DYNC1I2: variants seen among roughly 807,000 people sequenced by gnomAD.
DYNC1I2 encodes the protein dynein cytoplasmic 1 intermediate chain 2.
DYNC1I2 carries 53 observed loss-of-function variants against 88.6 expected under a neutral mutation model. The observed-to-expected ratio is 0.60, with a 90% confidence interval of 0.48 to 0.75. The LOEUF is 0.75. DYNC1I2 is among the 30% of genes least tolerant of loss of function. The probability of loss-of-function intolerance (pLI) is 0.00; values close to 1 mark genes in which losing one functional copy is unlikely to be tolerated. For synonymous variants in DYNC1I2, 198 were observed against 254.6 expected (o/e 0.78, Z 2.12); for missense variants, 458 against 766.6 (o/e 0.60, Z 4.75).
intron 3 of DYNC1I2, among the ~76,000 whole-genome samples, chr2:171,694,447 C>T (rs887810023): frequency 6.6e-5 from 10 of 151,964 alleles, no homozygotes; most frequent in Non-Finnish European, 1.3e-4. Flanking sequence ...CACCTGAGGT[C>T]GGGAGTTCAA....
chr2:171,696,568 T>C (rs1238285961), intron 3 of DYNC1I2, among the ~76,000 whole-genome samples: 1 of 152,170 alleles, frequency 6.6e-6, no homozygotes, highest in African/African-American at 2.4e-5. Flanking sequence ...AATTTTATAG[T>C]TTTACCCTTC....
chr2:171,726,535 C>T, intron 10 of DYNC1I2: 1 of 547,608 alleles, frequency 1.8e-6, no homozygotes, highest in Non-Finnish European at 3.0e-6. Flanking sequence ...TTCAGTTGCT[C>T]ACCAAATCCT....
intron 11 of DYNC1I2, 115 bp downstream of exon 11, chr2:171,727,031 A>G: frequency 8.7e-7 from 1 of 1,143,156 alleles, no homozygotes; most frequent in Admixed American, 3.1e-5. Flanking sequence ...TTGGCATTTT[A>G]CTAAACCACT....
intron 15 of DYNC1I2, among the ~76,000 whole-genome samples, chr2:171,740,142 G>T (rs187979385): frequency 6.6e-6 from 1 of 152,026 alleles, no homozygotes; most frequent in African/African-American, 2.4e-5. Flanking sequence ...TCTCAGTCTC[G>T]ATTTTGCATT....
intron 15 of DYNC1I2, among the ~76,000 whole-genome samples, chr2:171,739,105 A>AG (rs67027113): frequency 0.12 from 3,872 of 31,444 alleles, 76 homozygotes; most frequent in Non-Finnish European, 0.21. Context: ...AACAAGAGTG[A>AG]AAAAAAAAAA....
At chr2:171,744,883 A>G (rs1187998653) in intron 16 of DYNC1I2, among the ~76,000 whole-genome samples, 2 of 152,154 alleles carry the variant, frequency 1.3e-5, no homozygotes, top group Non-Finnish European at 1.5e-5. Flanking sequence ...ATTTCTGTCA[A>G]TAACAATTGT....
rs976981062 is a variant in DYNC1I2, at chr2:171,748,952, T to C, written c.*1063T>C. Among the ~76,000 whole-genome samples the C allele has an allele frequency of 1.3e-5, 2 of 152,208 alleles. No homozygotes were observed. The highest frequency in any genetic ancestry group is 6.5e-5 in the Admixed American group (1 of 15,290). On this transcript the variant is annotated 3_prime_UTR_variant, in exon 18 of 18. Transcript: ENST00000397119. Reference sequence around the variant, plus strand: ...ATTTCAGGAATAGAGGAAAGGACTATGATCAGATCTTGATTTTATCTACTT... The same window carrying C: ...ATTTCAGGAATAGAGGAAAGGACTACGATCAGATCTTGATTTTATCTACTT...
intron 15 of DYNC1I2, among the ~76,000 whole-genome samples, chr2:171,735,031 G>A (rs1224250076): frequency 6.6e-6 from 1 of 152,238 alleles, no homozygotes; most frequent in Non-Finnish European, 1.5e-5. Flanking sequence ...TACTTTTTAA[G>A]TGCTCTTTGA....
chr2:171,723,991 T>C (rs765655331), intron 7 of DYNC1I2, among the ~76,000 whole-genome samples: 2 of 152,208 alleles, frequency 1.3e-5, no homozygotes, highest in Non-Finnish European at 2.9e-5. Flanking sequence ...TGTTTTCCTT[T>C]GTGGCTGATT....
At chr2:171,709,070 A>G (rs911718472) in intron 5 of DYNC1I2, among the ~76,000 whole-genome samples, 1 of 152,018 alleles carries the variant, frequency 6.6e-6, no homozygotes, top group African/African-American at 2.4e-5. Context: ...CAACATTACC[A>G]TAGTAAAAAT....
intron 3 of DYNC1I2, among the ~76,000 whole-genome samples, chr2:171,696,667 A>G (rs978646410): frequency 3.3e-5 from 5 of 152,096 alleles, no homozygotes; most frequent in African/African-American, 9.7e-5. Flanking sequence ...TAATTTTCTC[A>G]GTGCCATTTG....
chr2:171,706,338 C>G (rs568675648), intron 3 of DYNC1I2, among the ~76,000 whole-genome samples: 1 of 152,240 alleles, frequency 6.6e-6, no homozygotes, highest in South Asian at 2.1e-4. Context: ...TGATGATCCT[C>G]CTATACTCCC....
At chr2:171,737,021 T>C (rs1689055924) in intron 15 of DYNC1I2, among the ~76,000 whole-genome samples, 1 of 152,204 alleles carries the variant, frequency 6.6e-6, no homozygotes. Context: ...GACAGAAATT[T>C]ATTCTTTCAC....
chr2:171,713,339 A>G (rs1687260445), intron 6 of DYNC1I2, among the ~76,000 whole-genome samples: 1 of 152,058 alleles, frequency 6.6e-6, no homozygotes, highest in Non-Finnish European at 1.5e-5. Flanking sequence ...GATTATTCAT[A>G]GAATGTATGG....
At chr2:171,728,267 G>A (rs1476428432) in intron 12 of DYNC1I2, 38 bp from the exon 13 acceptor site, 1 of 1,298,258 alleles carries the variant, frequency 7.7e-7, no homozygotes, top group Non-Finnish European at 1.0e-6. Flanking sequence ...TTGCTTTTTG[G>A]TACAATAATC....
At chr2:171,733,706 TC>T (rs1688801678) in intron 15 of DYNC1I2, among the ~76,000 whole-genome samples, 1 of 151,856 alleles carries the variant, frequency 6.6e-6, no homozygotes, top group South Asian at 2.1e-4. Context: ...GTAGAATTTT[TC>T]TCCCTTTCTG....
At chr2:171,722,338 A>G (rs958150307) in intron 7 of DYNC1I2, among the ~76,000 whole-genome samples, 13 of 152,130 alleles carry the variant, frequency 8.5e-5, no homozygotes, top group Non-Finnish European at 1.8e-4. Flanking sequence ...TTGACAAGAG[A>G]TTTGTCATTT....
chr2:171,727,991 T>C (rs753567662), intron 12 of DYNC1I2, 24 bp downstream of exon 12: 34 of 1,607,984 alleles, frequency 2.1e-5, no homozygotes, highest in Non-Finnish European at 2.7e-5. Context: ...GTTATTTCCA[T>C]TAGGCTTCTG....
chr2:171,692,954 A>G (rs1160034642), intron 3 of DYNC1I2, 60 bp downstream of exon 3: 6 of 1,139,012 alleles, frequency 5.3e-6, no homozygotes, highest in Admixed American at 2.0e-5. Context: ...CAGCTCAGAC[A>G]TAGCTGAGTG....
Sources: allele counts gnomAD v4.1 joint callset (sites outside exome capture counted in the v4.1 genomes callset), GRCh38; gene constraint gnomAD v4.1.1; transcripts MANE v1.5; gene names NCBI Gene and HGNC (gene_info 2026-07-23, HGNC 2026-07-21).